DGKH: variants seen among roughly 807,000 people sequenced by gnomAD.
DGKH encodes the protein diacylglycerol kinase eta.
Under a neutral mutation model 159.3 loss-of-function variants are expected in DGKH, and 90 were observed. That is an observed-to-expected ratio of 0.57 (90% CI 0.48 to 0.67). DGKH has a LOEUF of 0.67. Ranked by LOEUF, DGKH falls within the 30% of genes least tolerant of loss-of-function variation. DGKH has a pLI of 0.00. For missense variants in DGKH, 1,181 were observed against 1,506.1 expected (o/e 0.78, Z 3.57); for synonymous variants, 536 against 553.8 (o/e 0.97, Z 0.45).
intron 3 of DGKH, among the ~76,000 whole-genome samples, chr13:42,135,702 G>A (rs187542784): frequency 6.6e-6 from 1 of 152,196 alleles, no homozygotes; most frequent in Non-Finnish European, 1.5e-5. Flanking sequence ...GCCCTATGCT[G>A]TATGTGAATG....
chr13:42,158,668 A>C (rs1278630630), intron 5 of DGKH, among the ~76,000 whole-genome samples: 1 of 152,112 alleles, frequency 6.6e-6, no homozygotes, highest in African/African-American at 2.4e-5. Context: ...TCATCTCAAC[A>C]TAATACTTTC....
At chr13:42,136,754 C>T (rs756893417) in intron 3 of DGKH, among the ~76,000 whole-genome samples, 4 of 152,158 alleles carry the variant, frequency 2.6e-5, no homozygotes, top group Non-Finnish European at 1.5e-5. Context: ...CATGGGCTTA[C>T]TCGGTTGATG....
At chr13:42,246,534 G>T (rs568658347), downstream of DGKH, among the ~76,000 whole-genome samples, 41 of 152,300 alleles carry the variant, frequency 2.7e-4, 1 homozygote, top group African/African-American at 9.6e-4. Context: ...AACCCCGTGA[G>T]TTTATTATTA....
chr13:42,155,939 A>G (rs987111818), intron 5 of DGKH, 140 bp downstream of exon 5: 1 of 1,014,590 alleles, frequency 9.9e-7, no homozygotes, highest in Non-Finnish European at 1.4e-6. Flanking sequence ...GGAAAAAAAA[A>G]CATAGTCATT....
chr13:42,142,648 T>C lies in DGKH; in HGVS notation c.385-12643T>C, dbSNP rs1418852761. On this transcript the variant is annotated intron_variant, in intron 3 of 29. Transcript: ENST00000337343. ...GTTGGATTCCTAGGTATTTTATTCT[T>C]TTTGAAGCAATTGTGAATGGGAGTT... is the stretch of plus-strand genomic sequence containing the variant. Among the ~76,000 whole-genome samples, 10 of 152,120 alleles carry C rather than the reference T, an allele frequency of 6.6e-5. 1 individual carries two copies. Among genetic ancestry groups the C allele is most frequent in the African/African-American group, 2.4e-4 (10 of 41,484 alleles).
rs564714502 is a variant in DGKH at position 42,067,666 on chromosome 13, A to G, written c.192+18701A>G. Among the ~76,000 whole-genome samples the G allele has an allele frequency of 2.6e-5, 4 of 152,236 alleles. No homozygotes were observed. In the South Asian group the frequency reaches 8.3e-4, roughly 31 times the overall value. The stretch of plus-strand genomic sequence containing the variant: ...CACAACTGATCTAGCAATTAATAGT[A>G]CATTTCTTGCTTTTATAGTTGATTT... On this transcript the variant is annotated intron_variant, in intron 1 of 29. Coordinates refer to ENST00000337343, the MANE Select transcript of DGKH (RefSeq NM_178009.5).
intron 1 of DGKH, among the ~76,000 whole-genome samples, chr13:42,093,530 G>A (rs1258350784): frequency 6.6e-6 from 1 of 152,184 alleles, no homozygotes; most frequent in Admixed American, 6.5e-5. Context: ...AGAATTGAAA[G>A]CAGGGTCTTA....
At position 42,127,519 on chromosome 13, in the gene DGKH, A is replaced by G. The variant is rs1955192788; in HGVS notation, c.249A>G (p.Lys83=). Residue 83 remains lysine (K), a synonymous_variant, in exon 2 of 30, where the codon AAA becomes AAG. Coordinates refer to ENST00000337343, the MANE Select transcript of DGKH (RefSeq NM_178009.5). The part of the protein sequence containing the change: ...LKQTSSFQRW[K]KRYFKLRGRT... ...AAACCAGTTCTTTCCAAAGGTGGAA[A>G]AAGCGATACTTCAAACTTCGAGGCC... 2 of 1,613,914 alleles carry G rather than the reference A, an allele frequency of 1.2e-6. No homozygotes were observed. The highest frequency in any genetic ancestry group is 1.7e-6 in the Non-Finnish European group (2 of 1,179,824).
At position 42,238,106 on chromosome 13, in the gene DGKH, C is replaced by T. The variant is rs1376538361; in HGVS notation, c.*8918C>T. 1.3e-5 allele frequency: 2 copies of T among 152,180 alleles called. No homozygotes were observed. The highest frequency in any genetic ancestry group is 1.5e-5 in the Non-Finnish European group (1 of 68,018). 9.4% of individuals were successfully genotyped at this position (152,180 alleles called of 1,614,324 possible). A position where few individuals can be genotyped will look rare whatever the true frequency, so the allele number is the denominator to read the frequency against. On this transcript the variant is annotated 3_prime_UTR_variant, in exon 30 of 30. Coordinates refer to ENST00000337343, the MANE Select transcript of DGKH (RefSeq NM_178009.5). ...ACTTGGTGTCCCCAGTTAGAAATGGCACACAATATTATCAGTTGTTAGTAC... is the reference window on the plus strand; with the variant it reads ...ACTTGGTGTCCCCAGTTAGAAATGGTACACAATATTATCAGTTGTTAGTAC...
At chr13:42,214,410 A>G (rs1241401899) in intron 24 of DGKH, 97 bp from the exon 25 acceptor site, 9 of 1,158,808 alleles carry the variant, frequency 7.8e-6, no homozygotes, top group African/African-American at 6.2e-5. Flanking sequence ...ATCTTCATAT[A>G]TTTTTTACTT....
At chr13:42,133,136 A>C (rs1378910606) in intron 3 of DGKH, among the ~76,000 whole-genome samples, 2 of 149,728 alleles carry the variant, frequency 1.3e-5, no homozygotes, top group Non-Finnish European at 3.0e-5. Context: ...GCGCCACTGC[A>C]CTCCAGCCTG....
rs143043961 is a variant in DGKH at position 42,131,853 on chromosome 13, G to C, written c.384+2221G>C. 1.5e-3 allele frequency among the ~76,000 whole-genome samples: 222 copies of C among 152,340 alleles called. 3 individuals are homozygous for C. Among genetic ancestry groups the C allele is most frequent in the African/African-American group, 5.1e-3 (212 of 41,582 alleles). ...GCTCTTCTCAGTTTTTGAGACTACA[G>C]TACAAAGAGTAGGGGACAGCTTTGG... On this transcript the variant is annotated intron_variant, in intron 3 of 29. Transcript: ENST00000337343.
chr13:42,199,396 T>C (rs145139154), intron 18 of DGKH, among the ~76,000 whole-genome samples, 170 bp from the exon 19 acceptor site: 36 of 152,330 alleles, frequency 2.4e-4, no homozygotes, highest in African/African-American at 7.9e-4. Context: ...ATTGTACACA[T>C]GTCCTGTGGT....
At chr13:42,217,573 A>C (rs1386975083) in intron 26 of DGKH, among the ~76,000 whole-genome samples, 1 of 151,714 alleles carries the variant, frequency 6.6e-6, no homozygotes, top group Non-Finnish European at 1.5e-5. Flanking sequence ...TCACTACTAG[A>C]AGTGGTAGAT....
intron 11 of DGKH, among the ~76,000 whole-genome samples, chr13:42,172,113 C>T (rs1956474333): frequency 6.7e-6 from 1 of 148,486 alleles, no homozygotes; most frequent in South Asian, 2.1e-4. Context: ...TAGGCATGAG[C>T]CACCACACCC....
intron 1 of DGKH, among the ~76,000 whole-genome samples, chr13:42,110,857 C>T (rs1954850830): frequency 6.6e-6 from 1 of 152,118 alleles, no homozygotes; most frequent in Non-Finnish European, 1.5e-5. Flanking sequence ...TGTAACGGTA[C>T]GTTATAAAGC....
At chr13:42,058,690 C>T (rs143944660) in intron 1 of DGKH, among the ~76,000 whole-genome samples, 3 of 152,308 alleles carry the variant, frequency 2.0e-5, no homozygotes, top group Non-Finnish European at 4.4e-5. Context: ...ACTTCCTTTT[C>T]CCCTTGCAGA....
intron 13 of DGKH, chr13:42,181,593 C>T: frequency 7.0e-6 from 2 of 284,338 alleles, no homozygotes; most frequent in South Asian, 3.0e-5. Context: ...GCTGCTGCTG[C>T]TGTGCAGCTA....
downstream of DGKH, among the ~76,000 whole-genome samples, chr13:42,244,197 A>G (rs1958557922): frequency 6.6e-6 from 1 of 152,196 alleles, no homozygotes; most frequent in Non-Finnish European, 1.5e-5. Flanking sequence ...GGAGGGAAAT[A>G]CAGATCTGAG....
Sources: allele counts gnomAD v4.1 joint callset (sites outside exome capture counted in the v4.1 genomes callset), GRCh38; gene constraint gnomAD v4.1.1; transcripts MANE v1.5; gene names NCBI Gene and HGNC (gene_info 2026-07-23, HGNC 2026-07-21).